The following EMILIN2 variants were observed in gnomAD, a reference collection of about 807,000 sequenced individuals.
The protein encoded by EMILIN2 is EMILIN-2.
In EMILIN2, 71 loss-of-function variants were observed where a neutral mutation model predicts 87.1. That is an observed-to-expected ratio of 0.82 (90% CI 0.67 to 0.99). The LOEUF (loss-of-function observed/expected upper bound fraction) is 0.99, where lower values mean the gene tolerates loss of function less well. Ranked by LOEUF, EMILIN2 falls within the 50% of genes least tolerant of loss-of-function variation. The pLI, the probability that EMILIN2 is intolerant of heterozygous loss-of-function variation, is 0.00. For missense variants in EMILIN2, 1,407 were observed against 1,371.8 expected (o/e 1.03, Z -0.40); for synonymous variants, 581 against 563.4 (o/e 1.03, Z -0.44).
chr18:2,884,988 A>G lies in EMILIN2; in HGVS notation c.282A>G (p.Arg94=). Residue 94 remains arginine (R), a synonymous_variant, in exon 3 of 8, where the codon AGA becomes AGG. Coordinates refer to ENST00000254528, the MANE Select transcript of EMILIN2 (RefSeq NM_032048.3). ...ALVYRVNFRP[R]YVTRYKTVTQ... ...GGTATCGAGTGAACTTCAGACCTAG[A>G]TATGTCACTAGGTATAAGACAGTGA... 4 of 1,608,106 alleles carry G rather than the reference A, an allele frequency of 2.5e-6. No homozygotes were observed. Among genetic ancestry groups the G allele is most frequent in the South Asian group, 1.1e-5 (1 of 89,836 alleles).
chr18:2,866,907 G>T (rs1226199934), intron 2 of EMILIN2, among the ~76,000 whole-genome samples: 2 of 152,152 alleles, frequency 1.3e-5, no homozygotes, highest in Non-Finnish European at 2.9e-5. Context: ...TAATCATAAA[G>T]CAATGCTGGA....
At chr18:2,898,415 C>T (rs748238618) in intron 4 of EMILIN2, among the ~76,000 whole-genome samples, 1 of 152,250 alleles carries the variant, frequency 6.6e-6, no homozygotes, top group Non-Finnish European at 1.5e-5. Context: ...CAGCTGGACC[C>T]TGCCTTCCCA....
rs940650826 is a variant in EMILIN2 at position 2,915,320 on chromosome 18, G to A, written c.*1916G>A. 6.6e-6 allele frequency: 1 copy of A among 152,266 alleles called. No homozygotes were observed. The highest frequency in any genetic ancestry group is 1.5e-5 in the Non-Finnish European group (1 of 68,076). The allele number at this position is 152,266 out of a possible 1,614,324, so 9.4% of individuals were successfully genotyped here. A position where few individuals can be genotyped will look rare whatever the true frequency, so the allele number is the denominator to read the frequency against. On this transcript the variant is annotated 3_prime_UTR_variant, in exon 8 of 8. Transcript: ENST00000254528. ...TACTTTGAGATAAAGCTGGATGACA[G>A]GTGGATCCTGGCCCACTTAGGAGAC...
At chr18:2,910,978 T>A (rs1336145190) in intron 7 of EMILIN2, among the ~76,000 whole-genome samples, 1 of 152,204 alleles carries the variant, frequency 6.6e-6, no homozygotes, top group African/African-American at 2.4e-5. Flanking sequence ...TCCAGGCCTC[T>A]GCTCAGAGTG....
chr18:2,874,110 C>T (rs2076735894), intron 2 of EMILIN2, among the ~76,000 whole-genome samples: 2 of 48,388 alleles, frequency 4.1e-5, no homozygotes, highest in South Asian at 1.6e-3. Flanking sequence ...AGAAAAGCTC[C>T]TCTTTCCTTC....
chr18:2,889,136 T>TA (rs2076819382), intron 3 of EMILIN2, among the ~76,000 whole-genome samples: 1 of 104,248 alleles, frequency 9.6e-6, no homozygotes, highest in East Asian at 2.4e-4. Context: ...TTCTTTTCTT[T>TA]TTTTTTTTTT....
chr18:2,879,386 C>T lies in EMILIN2; in HGVS notation c.258-5578C>T, dbSNP rs546635974. The stretch of plus-strand genomic sequence containing the variant: ...TAAATGTTAACAGCCATGCCAGGCG[C>T]AGTAGCTCATGCTTGTAATCCCAGC... On this transcript the variant is annotated intron_variant, in intron 2 of 7. Coordinates refer to ENST00000254528, the MANE Select transcript of EMILIN2 (RefSeq NM_032048.3). Among the ~76,000 whole-genome samples, 66 of 152,294 alleles carry T rather than the reference C, an allele frequency of 4.3e-4. 1 individual carries two copies. The South Asian group carries it at 8.3e-3, about 19-fold the overall frequency.
At position 2,880,183 on chromosome 18, in the gene EMILIN2, G is replaced by C. The variant is rs2076769797; in HGVS notation, c.258-4781G>C. Among the ~76,000 whole-genome samples, 1 of 152,130 alleles carries C rather than the reference G, an allele frequency of 6.6e-6. No individual in the cohort carries two copies. Among genetic ancestry groups the C allele is most frequent in the Non-Finnish European group, 1.5e-5 (1 of 68,014 alleles). On this transcript the variant is annotated intron_variant, in intron 2 of 7. Transcript: ENST00000254528. This position sits in a 1 kb window ranked among gnomAD's most constrained non-coding sequence, Gnocchi z 4.1. ...TGAGTCAGTAGAAGGAGTCTTTGTG[G>C]GGGTGACATCAAGTGGAGGTACTGT...
chr18:2,885,994 T>C (rs567275849), intron 3 of EMILIN2, among the ~76,000 whole-genome samples: 1 of 152,244 alleles, frequency 6.6e-6, no homozygotes, highest in African/African-American at 2.4e-5. Flanking sequence ...ACAAAAGTAA[T>C]GCACATCAAT....
chr18:2,860,353 C>T (rs1315062144), intron 2 of EMILIN2, among the ~76,000 whole-genome samples: 1 of 152,148 alleles, frequency 6.6e-6, no homozygotes, highest in Non-Finnish European at 1.5e-5. Flanking sequence ...TGTCATTTAA[C>T]ATTAGGCATA....
chr18:2,911,097 C>CTG (rs144049921), intron 7 of EMILIN2, among the ~76,000 whole-genome samples: 6,696 of 152,274 alleles, frequency 0.044, 388 homozygotes, highest in African/African-American at 0.13. Context: ...CAGAGTGAGA[C>CTG]TGAGGCAAGT....
At chr18:2,899,764 A>T (rs756794546) in intron 4 of EMILIN2, among the ~76,000 whole-genome samples, 1 of 152,134 alleles carries the variant, frequency 6.6e-6, no homozygotes, top group Non-Finnish European at 1.5e-5. Context: ...TCAGCCTCCC[A>T]AAGTGCTGGG....
rs189667562 is a variant in EMILIN2 at position 2,894,260 on chromosome 18, G to C, written c.2359+1774G>C. Among the ~76,000 whole-genome samples the C allele has an allele frequency of 1.9e-3, 292 of 152,252 alleles. No homozygotes were observed. Among genetic ancestry groups the C allele is most frequent in the African/African-American group, 6.5e-3 (272 of 41,554 alleles). ...CTCAGGAGGGTGGAGAGGGTCCGAG[G>C]TAGGTGGGAAAATGCCCTGGATGTC... On this transcript the variant is annotated intron_variant, in intron 4 of 7. Coordinates refer to ENST00000254528, the MANE Select transcript of EMILIN2 (RefSeq NM_032048.3). This position sits in a 1 kb window ranked among gnomAD's most constrained non-coding sequence, Gnocchi z 5.0.
At chr18:2,859,963 G>C (rs2076652162) in intron 2 of EMILIN2, among the ~76,000 whole-genome samples, 1 of 152,096 alleles carries the variant, frequency 6.6e-6, no homozygotes, top group South Asian at 2.1e-4. Flanking sequence ...TGCTGTTTTG[G>C]TGACTATGGC....
At position 2,847,703 on chromosome 18, in the gene EMILIN2, GC is replaced by G. The variant is rs1005166041; in HGVS notation, c.135-99del. 9.0e-4 allele frequency: 1,315 copies of G among 1,464,384 alleles called. 5 individuals carry two copies. Among genetic ancestry groups the G allele is most frequent in the Middle Eastern group, 6.4e-3 (26 of 4,090 alleles). The allele number at this position is 1,464,384 out of a possible 1,614,324, so 90.7% of individuals were successfully genotyped here. A position where few individuals can be genotyped will look rare whatever the true frequency, so the allele number is the denominator to read the frequency against. On this transcript the variant is annotated intron_variant, in intron 1 of 7. Coordinates refer to ENST00000254528, the MANE Select transcript of EMILIN2 (RefSeq NM_032048.3). The surrounding 1 kb of genome is among the most constrained non-coding windows in gnomAD (Gnocchi z 4.5). ...CTCCCGCCTCCGCAGAGGGCGACGG[GC>G]CCCCCCGACCCTCGCTCGGTCTGGT...
intron 2 of EMILIN2, among the ~76,000 whole-genome samples, chr18:2,861,047 G>C (rs1341027820): frequency 1.3e-5 from 2 of 152,168 alleles, no homozygotes; most frequent in Non-Finnish European, 2.9e-5. Context: ...TTTGAGAAGG[G>C]TCTGTTCATA....
In EMILIN2 at chr18:2,865,696, C is replaced by T. The variant is rs189064302; in HGVS notation, c.257+17765C>T. Reference sequence around the variant, plus strand: ...GGAGGCAGTCTGTCCGTTCTCAGATCTCCAGCTGTGTGCTGGGAGAACCAT... The same window carrying T: ...GGAGGCAGTCTGTCCGTTCTCAGATTTCCAGCTGTGTGCTGGGAGAACCAT... On this transcript the variant is annotated intron_variant, in intron 2 of 7. Transcript: ENST00000254528. Among the ~76,000 whole-genome samples the T allele has an allele frequency of 6.1e-3, 926 of 152,338 alleles. 7 individuals carry two copies. Among genetic ancestry groups the T allele is most frequent in the Middle Eastern group, 0.02 (6 of 294 alleles).
At chr18:2,871,870 T>C (rs2076721609) in intron 2 of EMILIN2, among the ~76,000 whole-genome samples, 1 of 152,228 alleles carries the variant, frequency 6.6e-6, no homozygotes, top group Admixed American at 6.5e-5. Context: ...GGTAAATAAA[T>C]ACATTGTATA....
In EMILIN2 at chr18:2,891,078, T is replaced by C. The variant is rs115607501; in HGVS notation, c.951T>C (p.Tyr317=). Residue 317 remains tyrosine, a synonymous_variant, in exon 4 of 8, where the codon TAT becomes TAC. Coordinates refer to ENST00000254528, the MANE Select transcript of EMILIN2 (RefSeq NM_032048.3). This position sits in a 1 kb window ranked among gnomAD's most constrained non-coding sequence, Gnocchi z 4.6. ...TMTTNELYQA[Y]VDSKIDALRE... ...CAACCAACGAACTCTACCAAGCCTA[T>C]GTGGACAGTAAGATCGACGCCCTGA... is the stretch of plus-strand genomic sequence containing the variant. 2.5e-5 allele frequency: 41 copies of C among 1,614,108 alleles called. No individual in the cohort carries two copies. In the East Asian group the frequency reaches 8.5e-4, roughly 33 times the overall value.
Sources: gnomAD v4.1 joint callset for allele counts (sites outside exome capture counted in the v4.1 genomes callset) on GRCh38, gnomAD v4.1.1 for gene constraint, Gnocchi (gnomAD v3.1) non-coding constraint, MANE v1.5 for transcripts, NCBI Gene and HGNC (gene_info 2026-07-23, HGNC 2026-07-21) for gene names.